Variants in POLR1C observed in about 807,000 individuals in gnomAD.
POLR1C encodes RNA polymerase I and III subunit C.
A neutral mutation model predicts 38.3 loss-of-function variants in POLR1C; 42 were observed. The observed-to-expected ratio is 1.10, with a 90% CI of 0.86 to 1.42. The LOEUF (loss-of-function observed/expected upper bound fraction) is 1.42. Among genes scored for constraint, POLR1C ranks in the 40% most tolerant of loss-of-function variants. The pLI, the probability that POLR1C is intolerant of heterozygous loss-of-function variation, is 0.00. For missense variants in POLR1C, 507 were observed against 450.5 expected (o/e 1.13, Z -1.14); for synonymous variants, 163 against 163.9 (o/e 0.99, Z 0.04).
chr6:43,530,637 C>T, downstream of POLR1C: 1 of 1,597,680 alleles, frequency 6.3e-7, no homozygotes, highest in Non-Finnish European at 8.5e-7. Context: ...TTTTGTTTCT[C>T]TCTCTAATTT....
chr6:43,552,335 C>T (rs1403907315), intron 10 of POLR1C, among the ~76,000 whole-genome samples: 1 of 152,048 alleles, frequency 6.6e-6, no homozygotes, highest in Non-Finnish European at 1.5e-5. Flanking sequence ...GGATTACAGG[C>T]CTGAGCCACT....
At chr6:43,530,238 T>C (rs757619135), downstream of POLR1C, among the ~76,000 whole-genome samples, 12 of 151,172 alleles carry the variant, frequency 7.9e-5, no homozygotes, top group Non-Finnish European at 1.8e-4. Flanking sequence ...GCCTGGGCAA[T>C]AGAGCAAAAC....
At chr6:43,524,081 TG>T, downstream of POLR1C, 1 of 1,546,650 alleles carries the variant, frequency 6.5e-7, no homozygotes, top group African/African-American at 1.4e-5. Flanking sequence ...CCCGGCGCAG[TG>T]GCTCGCGCCT....
downstream of POLR1C, chr6:43,521,588 A>AATC (rs1201455325): frequency 9.2e-6 from 6 of 648,736 alleles, no homozygotes; most frequent in Non-Finnish European, 1.3e-5. Flanking sequence ...GCAGTGGTGC[A>AATC]ATCTCAGCTC....
chr6:43,526,636 T>G (rs1793611301), intron 8 of POLR1C: 1 of 1,603,904 alleles, frequency 6.2e-7, no homozygotes, highest in African/African-American at 1.3e-5. Flanking sequence ...GAAGGAACAG[T>G]ATTTAGGAGG....
chr6:43,520,010 A>C (rs1310310255), intron 4 of POLR1C, 56 bp from the exon 5 acceptor site: 5 of 1,605,710 alleles, frequency 3.1e-6, no homozygotes, highest in Non-Finnish European at 4.3e-6. Flanking sequence ...AGCATTCAGC[A>C]TAGTGCTGGC....
chr6:43,521,736 G>T (rs1463022490), downstream of POLR1C, among the ~76,000 whole-genome samples: 1 of 151,844 alleles, frequency 6.6e-6, no homozygotes, highest in Non-Finnish European at 1.5e-5. Flanking sequence ...TCACCATGTT[G>T]GTCAGGCTGG....
intron 2 of POLR1C, among the ~76,000 whole-genome samples, chr6:43,518,260 G>A (rs1792947782): frequency 1.3e-5 from 2 of 152,214 alleles, no homozygotes; most frequent in South Asian, 4.1e-4. Context: ...TTGAAGACAT[G>A]AACTAAGACT....
downstream of POLR1C, chr6:43,525,294 A>T: frequency 4.5e-6 from 6 of 1,322,486 alleles, no homozygotes; most frequent in Non-Finnish European, 6.2e-6. Flanking sequence ...CAGGAGCCGG[A>T]GGGTTTTTTT....
Position 43,520,380 on chromosome 6 carries a change from G to C in POLR1C, c.608G>C (p.Arg203Pro). The change falls in exon 6 of 9, where the codon CGG becomes CCG. Residue 203 changes from arginine (R) to proline (P), a missense_variant. Transcript: ENST00000642195. ...GATGATATCCTCATCGCTCAGCTGCGGCCTGGCCAAGAAATTGACCTGCTC... is the reference window on the plus strand; with the variant it reads ...GATGATATCCTCATCGCTCAGCTGCCGCCTGGCCAAGAAATTGACCTGCTC... ...VHDDILIAQL[R>P]PGQEIDLLMH... 1 of 1,613,814 alleles carries C rather than the reference G, an allele frequency of 6.2e-7. No individual in the cohort carries two copies. The highest frequency in any genetic ancestry group is 1.1e-5 in the South Asian group (1 of 91,070).
chr6:43,550,072 G>A (rs554713182), intron 9 of POLR1C: 12 of 837,826 alleles, frequency 1.4e-5, no homozygotes, highest in South Asian at 7.9e-5. Context: ...CTGGGACTAC[G>A]GGCATGAGCT....
chr6:43,527,313 C>T, intron 8 of POLR1C: 1 of 224,694 alleles, frequency 4.5e-6, no homozygotes. Context: ...CACTCTTTTG[C>T]CAGGCTGGAG....
intron 10 of POLR1C, chr6:43,553,596 C>T: frequency 1.4e-6 from 2 of 1,467,070 alleles, no homozygotes; most frequent in Non-Finnish European, 1.8e-6. Flanking sequence ...GACAATGGAG[C>T]CTTAGAGAAC....
intron 9 of POLR1C, among the ~76,000 whole-genome samples, chr6:43,545,703 G>A (rs1461279921): frequency 2.0e-5 from 3 of 146,986 alleles, no homozygotes; most frequent in Non-Finnish European, 2.9e-5. Context: ...GTGAGACTCT[G>A]TCTCAAAAAA....
At chr6:43,557,653 T>A (rs1762168998) in intron 10 of POLR1C, among the ~76,000 whole-genome samples, 1 of 151,404 alleles carries the variant, frequency 6.6e-6, no homozygotes, top group Non-Finnish European at 1.5e-5. Context: ...ATTTTTGGGG[T>A]GATGAAAATA....
At chr6:43,520,836 G>C (rs1793129388) in intron 7 of POLR1C, 62 bp downstream of exon 7, 3 of 1,606,942 alleles carry the variant, frequency 1.9e-6, no homozygotes, top group Non-Finnish European at 1.7e-6. Flanking sequence ...CAAGGTGACA[G>C]AAATAAAAAC....
rs1251342237 is a variant in POLR1C, at chr6:43,520,411, C to G, written c.639C>G (p.His213Gln). ...GCCAAGAAATTGACCTGCTCATGCA[C>G]TGTGTCAAGGGCATTGGTGAGAACC... ...RPGQEIDLLMHCVKGIGKDHA... is the reference protein window; with the variant it reads ...RPGQEIDLLMQCVKGIGKDHA... The change falls in exon 6 of 9, where the codon CAC becomes CAG. Residue 213 changes from histidine (H) to glutamine (Q), a missense_variant. His to Gln is a conservative substitution (Grantham distance 24). Transcript: ENST00000642195. 3.6e-5 allele frequency: 58 copies of G among 1,613,596 alleles called. No homozygotes were observed. The highest frequency in any genetic ancestry group is 4.9e-5 in the Non-Finnish European group (58 of 1,180,040).
chr6:43,520,476 T>C, intron 6 of POLR1C, 49 bp downstream of exon 6: 2 of 1,609,792 alleles, frequency 1.2e-6, no homozygotes, highest in Non-Finnish European at 8.5e-7. Context: ...TCGGTTGCAG[T>C]GGGGCAAGCT....
chr6:43,526,661 C>T, intron 8 of POLR1C: 1 of 1,613,474 alleles, frequency 6.2e-7, no homozygotes, highest in East Asian at 2.2e-5. Flanking sequence ...GAGCAGAACT[C>T]CAAGGTCTCA....
Sources: allele counts gnomAD v4.1 joint callset (sites outside exome capture counted in the v4.1 genomes callset), GRCh38; gene constraint gnomAD v4.1.1; transcripts MANE v1.5; gene names NCBI Gene and HGNC (gene_info 2026-07-23, HGNC 2026-07-21).